Variants in MAU2 observed in about 807,000 individuals in gnomAD.
MAU2 encodes the protein MAU2 sister chromatid cohesion factor, also known as MAU2 chromatid cohesion factor homolog.
MAU2 carries 9 observed loss-of-function variants against 89.1 expected under a neutral mutation model. The observed-to-expected ratio is 0.10, with a 90% CI of 0.06 to 0.18. MAU2 has a LOEUF of 0.18. Ranked by LOEUF, MAU2 falls within the 10% of genes least tolerant of loss-of-function variation. The pLI is 1.00. For missense variants in MAU2, 425 were observed against 803.5 expected (o/e 0.53, Z 5.69); for synonymous variants, 357 against 343.4 (o/e 1.04, Z -0.44).
chr19:19,346,119 A>G (rs1396250647), intron 12 of MAU2, among the ~76,000 whole-genome samples: 1 of 151,942 alleles, frequency 6.6e-6, no homozygotes, highest in African/African-American at 2.4e-5. Flanking sequence ...GGCACCCCGC[A>G]GGCCTGTGGG....
At chr19:19,351,671 T>G (rs2061745722) in intron 16 of MAU2, among the ~76,000 whole-genome samples, 1 of 151,324 alleles carries the variant, frequency 6.6e-6, no homozygotes, top group South Asian at 2.1e-4. Flanking sequence ...CACAGTGAGA[T>G]CCGTCTCAAA....
chr19:19,322,242 C>T (rs1212801022), intron 1 of MAU2, among the ~76,000 whole-genome samples: 1 of 152,132 alleles, frequency 6.6e-6, no homozygotes, highest in South Asian at 2.1e-4. Flanking sequence ...TCATGATCTG[C>T]CCACCTCGGC....
intron 5 of MAU2, among the ~76,000 whole-genome samples, chr19:19,340,593 C>T (rs531309534): frequency 5.9e-5 from 9 of 151,944 alleles, no homozygotes; most frequent in South Asian, 2.1e-4. Context: ...GAGCTGAGAC[C>T]GCACCACTGC....
At chr19:19,334,712 C>T (rs1043539335) in intron 1 of MAU2, 3 of 605,636 alleles carry the variant, frequency 5.0e-6, no homozygotes, top group African/African-American at 4.0e-5. Flanking sequence ...CAGAGACCAT[C>T]GGGCTTCAGC....
Position 19,341,268 on chromosome 19 carries a change from G to A in MAU2, c.596G>A (p.Arg199Gln), listed in dbSNP as rs202113927. The A allele has an allele frequency of 2.4e-5, 38 of 1,611,882 alleles. 1 individual carries two copies. Among genetic ancestry groups the A allele is most frequent in the South Asian group, 9.9e-5 (9 of 91,012 alleles). The change falls in exon 7 of 19, where the codon CGA (arginine) becomes CAA (glutamine). Residue 199 changes from arginine (R) to glutamine (Q), a missense_variant. Physicochemically the swap from Arg to Gln is conservative, Grantham distance 43. Transcript: ENST00000262815. ...LSKGMLLLME[R>Q]KLQEVHPLLT... ...CCTCCCCAGCTGCTGCTGATGGAGC[G>A]AAAGCTGCAGGAGGTGCACCCGCTG...
Position 19,347,373 on chromosome 19 carries a change from G to C in MAU2, c.1308+7G>C. 6.2e-7 allele frequency: 1 copy of C among 1,606,326 alleles called. No homozygotes were observed. The highest frequency in any genetic ancestry group is 8.5e-7 in the Non-Finnish European group (1 of 1,173,166). ...AAATAGACACCAAGAGGTAGTAGGT[G>C]ACATGCTTCATGTTCGGTATCCTTT... On this transcript the variant is annotated splice_region_variant and intron_variant, in intron 13 of 18. Coordinates refer to ENST00000262815, the MANE Select transcript of MAU2 (RefSeq NM_015329.4).
chr19:19,350,530 G>A (rs552182450), intron 16 of MAU2, among the ~76,000 whole-genome samples: 2 of 151,938 alleles, frequency 1.3e-5, no homozygotes, highest in Non-Finnish European at 2.9e-5. Context: ...CTTGAACCCA[G>A]GAGGCAGAGA....
intron 1 of MAU2, among the ~76,000 whole-genome samples, chr19:19,322,983 C>T (rs1241827028): frequency 5.3e-5 from 8 of 152,024 alleles, no homozygotes; most frequent in Non-Finnish European, 2.9e-5. Context: ...CTCCGTCTCC[C>T]GGGTTCAAGT....
rs1271972231 is a variant in MAU2 at position 19,343,868 on chromosome 19, C to G, written c.1005C>G (p.Phe335Leu). Residue 335 changes from phenylalanine to leucine, a missense_variant, in exon 10 of 19, where the codon TTC becomes TTG. This residue lies in a region of MAU2 where 39 missense variants were observed against 56.3 expected (regional missense o/e 0.69). Transcript: ENST00000262815. ...ACTGCAGCCCCATCCTGTCATCCTT[C>G]CAAGTGATCCTGCTGGAGCACATCA... ...MLDCSPILSSFQVILLEHIIM... is the reference protein window; with the variant it reads ...MLDCSPILSSLQVILLEHIIM... 1.2e-6 allele frequency: 2 copies of G among 1,613,614 alleles called. No individual in the cohort carries two copies. Among genetic ancestry groups the G allele is most frequent in the Non-Finnish European group, 1.7e-6 (2 of 1,180,014 alleles).
chr19:19,321,694 C>T (rs2061458726), intron 1 of MAU2: 1 of 152,286 alleles, frequency 6.6e-6, no homozygotes, highest in Non-Finnish European at 1.5e-5. Flanking sequence ...GGTCTTGTGC[C>T]CCCATCAATA....
In MAU2 at chr19:19,345,152, CA is replaced by C; in HGVS notation, c.1156-151del. ...TTGGCTTGGGTCTGAAAGGTGGGGA[CA>C]GTGAGCATATTACCTGCCTTGCAGC... On this transcript the variant is annotated intron_variant, in intron 11 of 18. Transcript: ENST00000262815. The surrounding 1 kb of genome is among the most constrained non-coding windows in gnomAD (Gnocchi z 4.9). 1 of 749,454 alleles carries C rather than the reference CA, an allele frequency of 1.3e-6. No individual in the cohort carries two copies. The highest frequency in any genetic ancestry group is 2.3e-6 in the Non-Finnish European group (1 of 440,372). 46.4% of individuals were successfully genotyped at this position (749,454 alleles called of 1,614,324 possible).
Position 19,345,186 on chromosome 19 carries a change from G to C in MAU2, c.1156-118G>C. The C allele has an allele frequency of 1.1e-6, 1 of 911,294 alleles. No homozygotes were observed. The highest frequency in any genetic ancestry group is 2.4e-5 in the East Asian group (1 of 41,162). 56.5% of individuals were successfully genotyped at this position (911,294 alleles called of 1,614,324 possible). A position where few individuals can be genotyped will look rare whatever the true frequency, so the allele number is the denominator to read the frequency against. ...TATTACCTGCCTTGCAGCTGGCTCGGTAGAGCCATTGTCATACTCCTCCAG... is the reference window on the plus strand; with the variant it reads ...TATTACCTGCCTTGCAGCTGGCTCGCTAGAGCCATTGTCATACTCCTCCAG... On this transcript the variant is annotated intron_variant, in intron 11 of 18. Transcript: ENST00000262815. The surrounding 1 kb of genome is among the most constrained non-coding windows in gnomAD (Gnocchi z 4.9).
At chr19:19,324,588 C>T (rs980617610) in intron 1 of MAU2, among the ~76,000 whole-genome samples, 42 of 152,328 alleles carry the variant, frequency 2.8e-4, no homozygotes, top group African/African-American at 9.9e-4. Context: ...TCAGCCCTGT[C>T]TAGGAGAAGC....
At chr19:19,354,780 G>A (rs2048158720) in intron 17 of MAU2, among the ~76,000 whole-genome samples, 1 of 152,210 alleles carries the variant, frequency 6.6e-6, no homozygotes, top group Non-Finnish European at 1.5e-5. Context: ...GGGTAGGGCT[G>A]GCCAGCTAGC....
chr19:19,322,247 C>T (rs1255105317), intron 1 of MAU2, among the ~76,000 whole-genome samples: 1 of 152,172 alleles, frequency 6.6e-6, no homozygotes, highest in Non-Finnish European at 1.5e-5. Flanking sequence ...ATCTGCCCAC[C>T]TCGGCCTCCC....
At chr19:19,337,348 A>G (rs2061605705) in intron 4 of MAU2, 83 bp downstream of exon 4, 3 of 1,100,550 alleles carry the variant, frequency 2.7e-6, no homozygotes, top group Non-Finnish European at 4.1e-6. Context: ...AAAGAACAGC[A>G]GAGTCCACGA....
intron 1 of MAU2, among the ~76,000 whole-genome samples, chr19:19,326,949 A>C (rs1203456117): frequency 6.6e-6 from 1 of 150,986 alleles, no homozygotes; most frequent in Non-Finnish European, 1.5e-5. Context: ...TCCTTTCCTC[A>C]GCAACTTTTT....
At position 19,338,901 on chromosome 19, in the gene MAU2, G is replaced by A. The variant is rs2061618024; in HGVS notation, c.513G>A (p.Gly171=). The A allele has an allele frequency of 6.2e-7, 1 of 1,613,664 alleles. No homozygotes were observed. The highest frequency in any genetic ancestry group is 1.7e-5 in the Admixed American group (1 of 59,986). The part of the protein sequence containing the change: ...LVSACDLLGV[G]AEYARVVGSE... The stretch of plus-strand genomic sequence containing the variant: ...CGGCCTGTGACCTCCTGGGTGTAGG[G>A]GCCGAGTACGCCCGGGTGGTGGGAT... The change falls in exon 5 of 19, where the codon GGG becomes GGA. Residue 171 remains glycine, a synonymous_variant. Transcript: ENST00000262815.
At chr19:19,334,393 C>G in intron 1 of MAU2, 2 of 985,814 alleles carry the variant, frequency 2.0e-6, no homozygotes, top group Non-Finnish European at 2.4e-6. Context: ...TCCTGGCCCC[C>G]TGTGTCTTGG....
Sources: gnomAD v4.1 joint callset for allele counts (sites outside exome capture counted in the v4.1 genomes callset) on GRCh38, gnomAD v4.1.1 for gene constraint, gnomAD v4.1.1 regional missense constraint, Gnocchi (gnomAD v3.1) non-coding constraint, MANE v1.5 for transcripts, NCBI Gene and HGNC (gene_info 2026-07-23, HGNC 2026-07-21) for gene names.